Variants in MDGA2 observed in about 807,000 individuals in gnomAD.
The protein encoded by MDGA2 is MAM domain-containing glycosylphosphatidylinositol anchor protein 2.
Under a neutral mutation model 117.8 loss-of-function variants are expected in MDGA2, and 40 were observed. The observed-to-expected ratio is 0.34, with a 90% CI of 0.26 to 0.44. The LOEUF (loss-of-function observed/expected upper bound fraction) is 0.44, where lower values mean the gene tolerates loss of function less well. MDGA2 is among the 20% of genes least tolerant of loss of function. MDGA2 has a pLI of 1.00. For synonymous variants in MDGA2, 452 were observed against 439.0 expected (o/e 1.03, Z -0.37); for missense variants, 1,123 against 1,250.6 (o/e 0.90, Z 1.54).
At chr14:46,895,756 T>C (rs1883052462) in intron 10 of MDGA2, among the ~76,000 whole-genome samples, 1 of 151,750 alleles carries the variant, frequency 6.6e-6, no homozygotes, top group Non-Finnish European at 1.5e-5. Context: ...AATAACTAGG[T>C]ATATTTCTAT....
intron 2 of MDGA2, among the ~76,000 whole-genome samples, chr14:47,249,435 C>A (rs1288915440): frequency 6.6e-6 from 1 of 152,148 alleles, no homozygotes; most frequent in Non-Finnish European, 1.5e-5. Flanking sequence ...AATCCTCCCA[C>A]CTCGGCCTCC....
intron 8 of MDGA2, among the ~76,000 whole-genome samples, chr14:47,023,143 T>C (rs1377158621): frequency 1.4e-5 from 2 of 141,962 alleles, no homozygotes; most frequent in African/African-American, 5.3e-5. Flanking sequence ...CTTTCCTGCC[T>C]ATAACAGTTA....
chr14:47,357,072 C>T (rs1460201803), intron 1 of MDGA2, among the ~76,000 whole-genome samples: 1 of 152,204 alleles, frequency 6.6e-6, no homozygotes, highest in Non-Finnish European at 1.5e-5. Flanking sequence ...TACTTCTCCC[C>T]TTTGGGGTCC....
intron 1 of MDGA2, among the ~76,000 whole-genome samples, chr14:47,651,616 T>C (rs1477972973): frequency 6.6e-6 from 1 of 151,948 alleles, no homozygotes; most frequent in Admixed American, 6.6e-5. Flanking sequence ...TGTATGGATG[T>C]ATGTAGGGAG....
intron 8 of MDGA2, among the ~76,000 whole-genome samples, chr14:46,978,195 C>T (rs968071545): frequency 4.6e-5 from 7 of 151,786 alleles, no homozygotes; most frequent in Admixed American, 4.6e-4. Flanking sequence ...TCATATCAAG[C>T]ATAGTGATCA....
chr14:47,288,987 T>C (rs1888782801), intron 2 of MDGA2, among the ~76,000 whole-genome samples: 1 of 152,100 alleles, frequency 6.6e-6, no homozygotes, highest in African/African-American at 2.4e-5. Flanking sequence ...CCAGCAGTTG[T>C]ATAGATTATT....
chr14:47,046,726 A>G (rs1481848962), intron 7 of MDGA2, among the ~76,000 whole-genome samples: 1 of 152,148 alleles, frequency 6.6e-6, no homozygotes, highest in East Asian at 1.9e-4. Context: ...CACTCCAAAC[A>G]GTTTATTATA....
chr14:47,673,938 G>A (rs1285053494), intron 1 of MDGA2, among the ~76,000 whole-genome samples: 2 of 151,914 alleles, frequency 1.3e-5, no homozygotes, highest in Non-Finnish European at 2.9e-5. Context: ...AATTGTGTCT[G>A]GCACCGAGAA....
chr14:47,487,155 A>T (rs1340736124), intron 1 of MDGA2, among the ~76,000 whole-genome samples: 1 of 152,168 alleles, frequency 6.6e-6, no homozygotes, highest in Non-Finnish European at 1.5e-5. Flanking sequence ...GTATCACAGG[A>T]CCCGTTCAAA....
intron 1 of MDGA2, among the ~76,000 whole-genome samples, chr14:47,362,370 T>C (rs1226012535): frequency 6.6e-6 from 1 of 152,178 alleles, no homozygotes; most frequent in Non-Finnish European, 1.5e-5. Context: ...AACACATCAA[T>C]TTACTCAATT....
chr14:46,846,052 T>A (rs1281083641), intron 15 of MDGA2, among the ~76,000 whole-genome samples, 181 bp from the exon 16 acceptor site: 1 of 152,192 alleles, frequency 6.6e-6, no homozygotes, highest in African/African-American at 2.4e-5. Context: ...AGTAATTGAA[T>A]CTTCCTTGCA....
chr14:47,037,479 T>C (rs1325655239), intron 7 of MDGA2, among the ~76,000 whole-genome samples: 1 of 152,198 alleles, frequency 6.6e-6, no homozygotes, highest in Non-Finnish European at 1.5e-5. Flanking sequence ...GCGTTAGCAA[T>C]AGACTCCTCT....
intron 3 of MDGA2, among the ~76,000 whole-genome samples, chr14:47,185,637 T>A (rs187783080): frequency 2.0e-5 from 3 of 151,672 alleles, no homozygotes; most frequent in Admixed American, 1.3e-4. Context: ...CCAAATTACC[T>A]AGGAAAGAAA....
chr14:47,612,254 A>AGATC (rs981140736), intron 1 of MDGA2, among the ~76,000 whole-genome samples: 22 of 151,288 alleles, frequency 1.5e-4, no homozygotes, highest in African/African-American at 4.4e-4. Context: ...ATAGATAGAT[A>AGATC]GATCTTCTGT....
chr14:47,342,960 T>C (rs1246305103), intron 1 of MDGA2: 3 of 644,212 alleles, frequency 4.7e-6, no homozygotes, highest in Middle Eastern at 5.8e-4. Context: ...GTCACAGTAG[T>C]AGGAGGAAGG....
chr14:47,271,946 T>G (rs1481330830), intron 2 of MDGA2, among the ~76,000 whole-genome samples: 2 of 152,128 alleles, frequency 1.3e-5, no homozygotes, highest in Non-Finnish European at 2.9e-5. Flanking sequence ...TGCTATTGTG[T>G]ACACCCCAGT....
rs949420791 is a variant in MDGA2, at chr14:46,882,104, G to A, written c.2356C>T (p.Leu786=). Residue 786 remains leucine, a synonymous_variant, in exon 11 of 17, where the codon CTG becomes TTG. Coordinates refer to ENST00000399232, the MANE Select transcript of MDGA2 (RefSeq NM_001113498.3). ...LIKPEAYEVR[L]TPLTKFGEGD... ...TCACCAAATTTGGTGAGAGGAGTCA[G>A]TCGGACTTCATAAGCTTCTGGTTTA... The A allele has an allele frequency of 1.2e-6, 2 of 1,612,020 alleles. No homozygotes were observed. The highest frequency in any genetic ancestry group is 3.3e-5 in the Admixed American group (2 of 59,900).
intron 8 of MDGA2, among the ~76,000 whole-genome samples, chr14:47,026,848 C>T (rs1278563205): frequency 2.6e-5 from 4 of 152,032 alleles, no homozygotes; most frequent in Admixed American, 1.3e-4. Flanking sequence ...AAAAAGCCCC[C>T]AGGAACAGAG....
chr14:47,552,198 A>G (rs1895594871), intron 1 of MDGA2, among the ~76,000 whole-genome samples: 1 of 152,050 alleles, frequency 6.6e-6, no homozygotes, highest in African/African-American at 2.4e-5. Context: ...CTGTATAAGC[A>G]CTCACTCTGC....
Sources: allele counts gnomAD v4.1 joint callset (sites outside exome capture counted in the v4.1 genomes callset), GRCh38; gene constraint gnomAD v4.1.1; transcripts MANE v1.5; gene names NCBI Gene and HGNC (gene_info 2026-07-23, HGNC 2026-07-21).